ANKRD30B: variants seen among roughly 807,000 people sequenced by gnomAD.
The protein encoded by ANKRD30B is ankyrin repeat domain 30B.
A neutral mutation model predicts 202.2 loss-of-function variants in ANKRD30B; 144 were observed. That is an observed-to-expected ratio of 0.71 (90% CI 0.62 to 0.82). The LOEUF (loss-of-function observed/expected upper bound fraction) is 0.82, where lower values mean the gene tolerates loss of function less well. ANKRD30B is among the 40% of genes least tolerant of loss of function. ANKRD30B has a pLI of 0.00. For missense variants in ANKRD30B, 1,487 were observed against 1,669.1 expected (o/e 0.89, Z 1.90); for synonymous variants, 508 against 561.3 (o/e 0.91, Z 1.34).
chr18:14,783,082 C>T (rs1293772259), intron 12 of ANKRD30B, among the ~76,000 whole-genome samples: 5 of 152,054 alleles, frequency 3.3e-5, no homozygotes, highest in Non-Finnish European at 7.4e-5. Flanking sequence ...TTTCACTTTT[C>T]CTGTCTTTCT....
rs1337169587 is a variant in ANKRD30B at position 14,772,112 on chromosome 18, A to G, written c.1257-44A>G. The G allele has an allele frequency of 1.7e-5, 22 of 1,262,426 alleles. No individual in the cohort carries two copies. The South Asian group carries it at 3.7e-4, about 22-fold the overall frequency. The allele number at this position is 1,262,426 out of a possible 1,614,324, so 78.2% of individuals were successfully genotyped here. A position where few individuals can be genotyped will look rare whatever the true frequency, so the allele number is the denominator to read the frequency against. On this transcript the variant is annotated intron_variant, in intron 8 of 43. Transcript: ENST00000690538. ...ATGAACTAGCAGATTTTCTTTTTAAATATATGAATTTGCTCATTTATGTTG... is the reference window on the plus strand; with the variant it reads ...ATGAACTAGCAGATTTTCTTTTTAAGTATATGAATTTGCTCATTTATGTTG...
chr18:14,807,375 A>C (rs1292776191), intron 24 of ANKRD30B, among the ~76,000 whole-genome samples: 1 of 150,812 alleles, frequency 6.6e-6, no homozygotes, highest in East Asian at 1.9e-4. Flanking sequence ...TAACAAATAG[A>C]ATTAGTTTTA....
At chr18:14,882,340 C>G in the ANKRD30B span, among the ~76,000 whole-genome samples, 1 of 152,110 alleles carries the variant, frequency 6.6e-6, no homozygotes, top group Admixed American at 6.6e-5. Flanking sequence ...TTTTACATTT[C>G]CATCGTGATT....
At chr18:14,882,104 A>G in the ANKRD30B span, among the ~76,000 whole-genome samples, 2 of 151,936 alleles carry the variant, frequency 1.3e-5, no homozygotes, top group African/African-American at 4.8e-5. Flanking sequence ...TCTTGTGTCA[A>G]TTTCATTTAG....
rs781229254 is a variant in ANKRD30B, at chr18:14,754,885, C to G, written c.511-14C>G. ...GTAATTTCATGAATTATATATTGTT[C>G]TGCTATTTTACAGGCTAGCCTCACA... On this transcript the variant is annotated splice_polypyrimidine_tract_variant and intron_variant, in intron 3 of 43. Transcript: ENST00000690538. 12 of 1,483,950 alleles carry G rather than the reference C, an allele frequency of 8.1e-6. No individual in the cohort carries two copies. The highest frequency in any genetic ancestry group is 1.4e-5 in the African/African-American group (1 of 69,996). 91.9% of individuals were successfully genotyped at this position (1,483,950 alleles called of 1,614,324 possible). A position where few individuals can be genotyped will look rare whatever the true frequency, so the allele number is the denominator to read the frequency against.
At chr18:14,807,744 C>A (rs1433310360) in intron 24 of ANKRD30B, among the ~76,000 whole-genome samples, 1 of 150,282 alleles carries the variant, frequency 6.7e-6, no homozygotes, top group Non-Finnish European at 1.5e-5. Flanking sequence ...TTTGGCCAGG[C>A]TGCTTTGGAA....
downstream of ANKRD30B, among the ~76,000 whole-genome samples, chr18:14,856,494 A>C (rs1972111984): frequency 1.5e-5 from 2 of 132,586 alleles, no homozygotes; most frequent in African/African-American, 5.5e-5. Context: ...CTCCCAGACA[A>C]TGGGCGGCTG....
At position 14,769,363 on chromosome 18, in the gene ANKRD30B, C is replaced by G. The variant is rs993776926; in HGVS notation, c.1246C>G (p.Pro416Ala). The stretch of plus-strand genomic sequence containing the variant: ...AATAGTGGATGTGAGTTCTGTAGAG[C>G]CTATATTCAGGTAAGACTTTGCGGT... ...STNVDVSSVE[P>A]IFSLFGTRTI... The change falls in exon 8 of 44, where the codon CCT becomes GCT. Residue 416 changes from proline to alanine, a missense_variant. Pro to Ala is a conservative substitution (Grantham distance 27). Transcript: ENST00000690538. The G allele has an allele frequency of 1.9e-6, 3 of 1,543,750 alleles. No homozygotes were observed. In the Admixed American group the frequency reaches 5.9e-5, roughly 31 times the overall value.
At chr18:14,939,684 G>A in the ANKRD30B span, among the ~76,000 whole-genome samples, 4 of 152,204 alleles carry the variant, frequency 2.6e-5, no homozygotes, top group African/African-American at 9.7e-5. Flanking sequence ...CAGTTTCCAG[G>A]ACTTAGATTC....
chr18:14,855,924 C>T (rs1360472943), downstream of ANKRD30B, among the ~76,000 whole-genome samples: 32 of 150,930 alleles, frequency 2.1e-4, no homozygotes, highest in African/African-American at 7.5e-4. Context: ...CCTCACCTCC[C>T]AGATGAGGCG....
At chr18:14,794,139 C>T (rs1229350322) in intron 16 of ANKRD30B, among the ~76,000 whole-genome samples, 1 of 151,958 alleles carries the variant, frequency 6.6e-6, no homozygotes, top group Non-Finnish European at 1.5e-5. Flanking sequence ...TGCCATGTGA[C>T]CTGTCCTGAT....
At chr18:14,888,211 T>C in the ANKRD30B span, among the ~76,000 whole-genome samples, 2 of 152,072 alleles carry the variant, frequency 1.3e-5, no homozygotes, top group Admixed American at 6.6e-5. Context: ...AATTTTTCAC[T>C]AGAAAGCATT....
chr18:14,868,659 AG>A, the ANKRD30B span, among the ~76,000 whole-genome samples: 1 of 152,224 alleles, frequency 6.6e-6, no homozygotes, highest in Non-Finnish European at 1.5e-5. Context: ...GGAAGAGGCG[AG>A]GCTTAGACCG....
chr18:14,783,212 G>A (rs1967867813), intron 12 of ANKRD30B, among the ~76,000 whole-genome samples: 1 of 152,112 alleles, frequency 6.6e-6, no homozygotes, highest in Non-Finnish European at 1.5e-5. Flanking sequence ...GTCATATACA[G>A]TCAGTATAGA....
chr18:14,808,555 T>C lies in ANKRD30B; in HGVS notation c.2289T>C (p.Ser763=), dbSNP rs754990379. ...FDTLSGKLEE[S]PDKDGLLKPT... ...TATATGTCCCTTTTCTTTTAGAGTC[T>C]CCTGATAAAGATGGTCTTCTGAAGG... is the stretch of plus-strand genomic sequence containing the variant. The change falls in exon 25 of 44, where the codon TCT becomes TCC. Residue 763 remains serine, a synonymous_variant. Transcript: ENST00000690538. 1.6e-5 allele frequency: 24 copies of C among 1,512,280 alleles called. No homozygotes were observed. The highest frequency in any genetic ancestry group is 1.9e-5 in the Non-Finnish European group (21 of 1,093,060). 93.7% of individuals were successfully genotyped at this position (1,512,280 alleles called of 1,614,324 possible).
the ANKRD30B span, among the ~76,000 whole-genome samples, chr18:14,932,280 C>T: frequency 6.6e-6 from 1 of 151,634 alleles, no homozygotes; most frequent in Admixed American, 6.6e-5. Flanking sequence ...TCCAGGGCTG[C>T]CTTTGGCCCA....
In ANKRD30B at chr18:14,763,741, T is replaced by G. The variant is rs1361342384; in HGVS notation, c.876T>G (p.Pro292=). 1 of 1,613,922 alleles carries G rather than the reference T, an allele frequency of 6.2e-7. No homozygotes were observed. Among genetic ancestry groups the G allele is most frequent in the Non-Finnish European group, 8.5e-7 (1 of 1,180,020 alleles). The change falls in exon 7 of 44, where the codon CCT becomes CCG. Residue 292 remains proline (P), a synonymous_variant. Coordinates refer to ENST00000690538, the MANE Select transcript of ANKRD30B (RefSeq NM_001367607.2). ...CTGCACCCTTGGCGGAAAGAACACC[T>G]GACACGGCTGAAAGCTTGCTGGAAA... ...DEAAPLAERT[P]DTAESLLEKT... is the part of the protein sequence containing the mutation.
chr18:14,791,301 G>A, intron 15 of ANKRD30B, 100 bp from the exon 16 acceptor site: 1 of 976,456 alleles, frequency 1.0e-6, no homozygotes, highest in Admixed American at 2.6e-5. Context: ...TGCAAACTAG[G>A]AAATTGTGTT....
At chr18:14,791,540 A>G (rs1968509376) in intron 16 of ANKRD30B, 49 bp downstream of exon 16, 3 of 1,430,676 alleles carry the variant, frequency 2.1e-6, no homozygotes, top group Non-Finnish European at 1.9e-6. Context: ...ATATTTATCT[A>G]AACTGATGAG....
Sources: gnomAD v4.1 joint callset for allele counts (sites outside exome capture counted in the v4.1 genomes callset) on GRCh38, gnomAD v4.1.1 for gene constraint, MANE v1.5 for transcripts, NCBI Gene and HGNC (gene_info 2026-07-23, HGNC 2026-07-21) for gene names.